The following DIRAS2 variants were observed in gnomAD, a reference collection of about 807,000 sequenced individuals.
DIRAS2 encodes the protein GTP-binding protein Di-Ras2.
DIRAS2 carries 5 observed loss-of-function variants against 13.9 expected under a neutral mutation model. The ratio of observed to expected loss-of-function variants is 0.36; its 90% CI spans 0.19 to 0.76. DIRAS2 has a LOEUF of 0.76. DIRAS2 is among the 30% of genes least tolerant of loss of function. DIRAS2 has a pLI of 0.53. For missense variants in DIRAS2, 191 were observed against 263.0 expected, an observed-to-expected ratio of 0.73 and a Z score of 1.89; for synonymous variants, 111 against 105.4, an observed-to-expected ratio of 1.05 and a Z score of -0.33.
intron 1 of DIRAS2, among the ~76,000 whole-genome samples, chr9:90,638,322 A>G (rs1825388522): frequency 6.6e-6 from 1 of 152,248 alleles, no homozygotes; most frequent in African/African-American, 2.4e-5. Flanking sequence ...AGATAAGCAC[A>G]TGGTTTTCAT....
In DIRAS2 at chr9:90,613,138, A is replaced by G. The variant is rs1564017792; in HGVS notation, c.*90T>C. The G allele has an allele frequency of 9.2e-6, 14 of 1,516,696 alleles. No individual in the cohort carries two copies. The highest frequency in any genetic ancestry group is 1.1e-5 in the Non-Finnish European group (12 of 1,127,716). The allele number at this position is 1,516,696 out of a possible 1,614,324, so 94.0% of individuals were successfully genotyped here. ...TAAATGCAATGTTTAACACGTGGGC[A>G]TTATACATGCTACCCTGACGACGGT... On this transcript the variant is annotated 3_prime_UTR_variant, in exon 2 of 2. Transcript: ENST00000375765. This position sits in a 1 kb window ranked among gnomAD's most constrained non-coding sequence, Gnocchi z 5.6.
rs768731642 is a variant in DIRAS2 at position 90,613,759 on chromosome 9, C to T, written c.69G>A (p.Leu23=). The T allele has an allele frequency of 6.2e-7, 1 of 1,614,172 alleles. No homozygotes were observed. The highest frequency in any genetic ancestry group is 1.1e-5 in the South Asian group (1 of 91,084). The change falls in exon 2 of 2, where the codon CTG becomes CTA. Residue 23 remains leucine, a synonymous_variant. Transcript: ENST00000375765. The surrounding 1 kb of genome is among the most constrained non-coding windows in gnomAD (Gnocchi z 5.6). ...ATGTGCCTTTCACAAACCTCAACAC[C>T]AGGGAGCTCTTGCCAACACCGCCAG... is the stretch of plus-strand genomic sequence containing the variant. ...FGAGGVGKSS[L]VLRFVKGTFR...
At chr9:90,620,185 A>T (rs768483283) in intron 1 of DIRAS2, among the ~76,000 whole-genome samples, 1 of 152,244 alleles carries the variant, frequency 6.6e-6, no homozygotes, top group African/African-American at 2.4e-5. Flanking sequence ...TGCGGGAATT[A>T]TATCTCAGTA....
At chr9:90,629,209 T>C (rs754089149) in intron 1 of DIRAS2, among the ~76,000 whole-genome samples, 10 of 152,238 alleles carry the variant, frequency 6.6e-5, no homozygotes, top group Admixed American at 1.3e-4. Context: ...ATGTGGTTAC[T>C]ACAAATACAA....
At chr9:90,639,642 A>G (rs1263864014) in intron 1 of DIRAS2, among the ~76,000 whole-genome samples, 3 of 152,224 alleles carry the variant, frequency 2.0e-5, no homozygotes, top group African/African-American at 7.2e-5. Context: ...CCCATCAGGC[A>G]TACCTGTTTC....
chr9:90,632,132 G>A (rs1825330403), intron 1 of DIRAS2, among the ~76,000 whole-genome samples: 1 of 152,136 alleles, frequency 6.6e-6, no homozygotes, highest in African/African-American at 2.4e-5. Context: ...GTTTGCCTCA[G>A]GCTCTGAGCC....
At chr9:90,627,134 T>C (rs542566064) in intron 1 of DIRAS2, among the ~76,000 whole-genome samples, 16 of 152,294 alleles carry the variant, frequency 1.1e-4, no homozygotes, top group African/African-American at 3.6e-4. Context: ...TTTCTTCTGC[T>C]TTCACCATGT....
chr9:90,614,052 C>A (rs985063080), intron 1 of DIRAS2, among the ~76,000 whole-genome samples, 189 bp from the exon 2 acceptor site: 7 of 152,156 alleles, frequency 4.6e-5, no homozygotes, highest in African/African-American at 1.7e-4. Context: ...CTCAGGGGCT[C>A]ACTGGAGCCC....
intron 1 of DIRAS2, among the ~76,000 whole-genome samples, chr9:90,625,348 A>G (rs1825258490): frequency 1.3e-5 from 2 of 152,180 alleles, no homozygotes; most frequent in Non-Finnish European, 2.9e-5. Context: ...ACAATCATGA[A>G]TTATTTTGTT....
In DIRAS2 at chr9:90,614,996, C is replaced by T. The variant is rs139853836; in HGVS notation, c.-36-1133G>A. ...AATAGAGAATTACACAATTTGGATACATTTTTAAAACTGAAGTTGATAAGT... is the reference window on the plus strand; with the variant it reads ...AATAGAGAATTACACAATTTGGATATATTTTTAAAACTGAAGTTGATAAGT... On this transcript the variant is annotated intron_variant, in intron 1 of 1. Coordinates refer to ENST00000375765, the MANE Select transcript of DIRAS2 (RefSeq NM_017594.5). Among the ~76,000 whole-genome samples the T allele has an allele frequency of 3.6e-4, 55 of 152,288 alleles. 1 individual carries two copies. The East Asian group carries it at 0.01, about 29-fold the overall frequency.
At chr9:90,621,269 A>G (rs1361586733) in intron 1 of DIRAS2, among the ~76,000 whole-genome samples, 1 of 152,184 alleles carries the variant, frequency 6.6e-6, no homozygotes, top group Non-Finnish European at 1.5e-5. Context: ...AATGACTAGT[A>G]TAAGGTAATG....
At position 90,610,377 on chromosome 9, in the gene DIRAS2, T is replaced by G. The variant is rs930196674; in HGVS notation, c.*2851A>C. ...TTTAGATAGAATGAACAATTCAATA[T>G]TGCTCTTGTGTTGGTCTTGCTGCAT... On this transcript the variant is annotated 3_prime_UTR_variant, in exon 2 of 2. Coordinates refer to ENST00000375765, the MANE Select transcript of DIRAS2 (RefSeq NM_017594.5). The G allele has an allele frequency of 2.5e-6, 1 of 398,918 alleles. No homozygotes were observed. The highest frequency in any genetic ancestry group is 4.4e-6 in the Non-Finnish European group (1 of 226,074). 24.7% of individuals were successfully genotyped at this position (398,918 alleles called of 1,614,324 possible).
chr9:90,613,993 A>G lies in DIRAS2; in HGVS notation c.-36-130T>C, dbSNP rs1825142104. On this transcript the variant is annotated intron_variant, in intron 1 of 1. Coordinates refer to ENST00000375765, the MANE Select transcript of DIRAS2 (RefSeq NM_017594.5). This position sits in a 1 kb window ranked among gnomAD's most constrained non-coding sequence, Gnocchi z 5.6. The stretch of plus-strand genomic sequence containing the variant: ...ACATTTAAAATAGCGACAATTCTAA[A>G]TCCAATAAATTTGGTCAATCCGCCG... 1.0e-6 allele frequency: 1 copy of G among 990,198 alleles called. No homozygotes were observed. Among genetic ancestry groups the G allele is most frequent in the African/African-American group, 1.6e-5 (1 of 60,896 alleles). The allele number at this position is 990,198 out of a possible 1,614,324, so 61.3% of individuals were successfully genotyped here.
chr9:90,635,176 C>A (rs963997684), intron 1 of DIRAS2, among the ~76,000 whole-genome samples: 9 of 152,318 alleles, frequency 5.9e-5, no homozygotes, highest in African/African-American at 2.2e-4. Flanking sequence ...CCTAGGGGAC[C>A]AGAAACGTGG....
intron 1 of DIRAS2, among the ~76,000 whole-genome samples, chr9:90,615,514 G>A (rs1352646140): frequency 6.6e-6 from 1 of 152,222 alleles, no homozygotes; most frequent in Admixed American, 6.5e-5. Flanking sequence ...GAAGCATTGT[G>A]ATAAATTTTT....
At chr9:90,641,741 C>T (rs1250157666) in intron 1 of DIRAS2, among the ~76,000 whole-genome samples, 1 of 152,152 alleles carries the variant, frequency 6.6e-6, no homozygotes, top group East Asian at 1.9e-4. Context: ...ATGCTCCAGA[C>T]TTTTAGCGTT....
chr9:90,633,797 G>A (rs1300166373), intron 1 of DIRAS2, among the ~76,000 whole-genome samples: 1 of 152,202 alleles, frequency 6.6e-6, no homozygotes, highest in Admixed American at 6.5e-5. Context: ...CCTGGCAAGA[G>A]GCGCTTCAAT....
At position 90,613,031 on chromosome 9, in the gene DIRAS2, G is replaced by T; in HGVS notation, c.*197C>A. 1.4e-6 allele frequency: 1 copy of T among 702,726 alleles called. No homozygotes were observed. The highest frequency in any genetic ancestry group is 2.3e-6 in the Non-Finnish European group (1 of 439,374). 43.5% of individuals were successfully genotyped at this position (702,726 alleles called of 1,614,324 possible). On this transcript the variant is annotated 3_prime_UTR_variant, in exon 2 of 2. Coordinates refer to ENST00000375765, the MANE Select transcript of DIRAS2 (RefSeq NM_017594.5). The surrounding 1 kb of genome is among the most constrained non-coding windows in gnomAD (Gnocchi z 5.6). ...TGTTGGTTTTCACTTGAACCGCCTG[G>T]CAGATTCTGTGACTCCAGAGTGGGT...
intron 1 of DIRAS2, among the ~76,000 whole-genome samples, chr9:90,637,988 T>C (rs1428890141): frequency 6.6e-6 from 1 of 152,222 alleles, no homozygotes; most frequent in Non-Finnish European, 1.5e-5. Flanking sequence ...GCAAATATCT[T>C]TCCTTTGATG....
Sources: allele counts gnomAD v4.1 joint callset (sites outside exome capture counted in the v4.1 genomes callset), GRCh38; gene constraint gnomAD v4.1.1; non-coding constraint Gnocchi (gnomAD v3.1); transcripts MANE v1.5; gene names NCBI Gene and HGNC (gene_info 2026-07-23, HGNC 2026-07-21).